KCNN2: variants seen among roughly 807,000 people sequenced by gnomAD.
KCNN2 encodes potassium calcium-activated channel subfamily N member 2.
A neutral mutation model predicts 55.5 loss-of-function variants in KCNN2; 24 were observed. The ratio of observed to expected loss-of-function variants is 0.43; its 90% CI spans 0.31 to 0.61. The LOEUF (loss-of-function observed/expected upper bound fraction) is 0.61. Ranked by LOEUF, KCNN2 falls within the 20% of genes least tolerant of loss-of-function variation. KCNN2 has a pLI of 0.08. For synonymous variants in KCNN2, 431 were observed against 336.1 expected (o/e 1.28, Z -3.09); for missense variants, 754 against 853.6 (o/e 0.88, Z 1.45).
rs540644079 is a variant in KCNN2 at position 114,072,576 on chromosome 5, G to A, written c.-271+16076G>A. The stretch of plus-strand genomic sequence containing the variant: ...AACTTCCCAGCTTCCAGAACTGTGA[G>A]CCAAATAAATTTCTGTCCATTATAA... On this transcript the variant is annotated intron_variant, in intron 1 of 10. Transcript: ENST00000512097. 2.0e-5 allele frequency among the ~76,000 whole-genome samples: 3 copies of A among 152,258 alleles called. No homozygotes were observed. In the East Asian group the frequency reaches 5.8e-4, roughly 29 times the overall value.
intron 1 of KCNN2, among the ~76,000 whole-genome samples, chr5:114,189,450 A>C (rs1474898191): frequency 1.3e-5 from 2 of 152,178 alleles, no homozygotes; most frequent in African/African-American, 2.4e-5. Flanking sequence ...TAGGGAGGAC[A>C]ATCTGCTTAC....
intron 3 of KCNN2, among the ~76,000 whole-genome samples, chr5:114,457,046 T>C (rs1304615085): frequency 1.3e-5 from 2 of 152,188 alleles, no homozygotes; most frequent in Admixed American, 6.6e-5. Flanking sequence ...TTGGGAGGAT[T>C]GATTCCAATT....
In KCNN2 at chr5:114,440,609, A is replaced by G. The variant is rs1450038960; in HGVS notation, c.1638-22440A>G. Among the ~76,000 whole-genome samples the G allele has an allele frequency of 2.7e-5, 4 of 145,944 alleles. No individual in the cohort carries two copies. In the Admixed American group the frequency reaches 2.8e-4, roughly 10 times the overall value. On this transcript the variant is annotated intron_variant, in intron 3 of 7. Transcript: ENST00000673685. Reference sequence around the variant, plus strand: ...GAAGGTTGAACTGAGGAGTTGGGTGACATGGTACAGGTGTGATTAGATTTA... The same window carrying G: ...GAAGGTTGAACTGAGGAGTTGGGTGGCATGGTACAGGTGTGATTAGATTTA...
intron 3 of KCNN2, among the ~76,000 whole-genome samples, chr5:114,462,377 G>A (rs1370694589): frequency 6.6e-6 from 1 of 152,162 alleles, no homozygotes; most frequent in Non-Finnish European, 1.5e-5. Flanking sequence ...TAACTGGTAA[G>A]ACAACTTCTA....
chr5:114,370,524 G>C (rs1456442300), intron 2 of KCNN2, among the ~76,000 whole-genome samples: 1 of 152,074 alleles, frequency 6.6e-6, no homozygotes, highest in Admixed American at 6.6e-5. Flanking sequence ...GAGATAGAAA[G>C]TTGGGAGGCA....
At chr5:114,382,528 G>T (rs1758155629) in intron 2 of KCNN2, among the ~76,000 whole-genome samples, 1 of 152,168 alleles carries the variant, frequency 6.6e-6, no homozygotes, top group Non-Finnish European at 1.5e-5. Context: ...TGTGCCATGT[G>T]ATTACATTAG....
At chr5:114,283,189 A>G (rs1204454192) in intron 2 of KCNN2, among the ~76,000 whole-genome samples, 2 of 151,728 alleles carry the variant, frequency 1.3e-5, no homozygotes, top group Non-Finnish European at 2.9e-5. Context: ...TTTAATGTAC[A>G]TTGGGCTGTG....
At chr5:114,434,613 C>G (rs1759937519) in intron 3 of KCNN2, among the ~76,000 whole-genome samples, 2 of 152,118 alleles carry the variant, frequency 1.3e-5, no homozygotes, top group Non-Finnish European at 1.5e-5. Flanking sequence ...TATACAAGAG[C>G]CCTATTGATA....
At chr5:114,441,021 C>G (rs866654506) in intron 3 of KCNN2, among the ~76,000 whole-genome samples, 1 of 151,788 alleles carries the variant, frequency 6.6e-6, no homozygotes, top group Non-Finnish European at 1.5e-5. Context: ...AACTACTTAC[C>G]AAAATGAGTT....
chr5:114,472,730 T>C (rs1761808010), intron 4 of KCNN2, among the ~76,000 whole-genome samples: 1 of 152,212 alleles, frequency 6.6e-6, no homozygotes, highest in South Asian at 2.1e-4. Context: ...GTTCCTATTA[T>C]AATTATAGGT....
At chr5:114,289,102 TC>T (rs947834621) in intron 2 of KCNN2, among the ~76,000 whole-genome samples, 13 of 152,182 alleles carry the variant, frequency 8.5e-5, no homozygotes, top group Admixed American at 7.9e-4. Context: ...GGAAGATTAA[TC>T]TTTTCCCCCA....
At chr5:114,286,416 T>C (rs1039229635) in intron 2 of KCNN2, among the ~76,000 whole-genome samples, 2 of 151,874 alleles carry the variant, frequency 1.3e-5, no homozygotes, top group African/African-American at 4.8e-5. Flanking sequence ...TTACGAGTCA[T>C]CAAAGAAAAA....
Position 114,496,274 on chromosome 5 carries a change from C to T in KCNN2, c.*92C>T, listed in dbSNP as rs185535155. The stretch of plus-strand genomic sequence containing the variant: ...GTAAAGCCCCTATGGTTCTAATCAG[C>T]GTTATCCGGGTTCTGATGTCAGAAT... On this transcript the variant is annotated 3_prime_UTR_variant, in exon 8 of 8. Coordinates refer to ENST00000673685, the MANE Select transcript of KCNN2 (RefSeq NM_021614.4). 1,024 of 1,347,606 alleles carry T rather than the reference C, an allele frequency of 7.6e-4. 1 individual carries two copies. The highest frequency in any genetic ancestry group is 2.6e-3 in the East Asian group (110 of 41,928). The allele number at this position is 1,347,606 out of a possible 1,614,324, so 83.5% of individuals were successfully genotyped here. A position where few individuals can be genotyped will look rare whatever the true frequency, so the allele number is the denominator to read the frequency against.
At chr5:114,312,519 G>A (rs1580714376) in intron 2 of KCNN2, among the ~76,000 whole-genome samples, 1 of 136,654 alleles carries the variant, frequency 7.3e-6, no homozygotes, top group South Asian at 2.6e-4. Context: ...ACCCCCATAT[G>A]GTCAAGAACC....
At chr5:114,149,034 C>T (rs1752462205) in intron 1 of KCNN2, among the ~76,000 whole-genome samples, 2 of 152,132 alleles carry the variant, frequency 1.3e-5, no homozygotes, top group African/African-American at 4.8e-5. Context: ...CCCAGTCTAA[C>T]AGGTCCATAG....
At chr5:114,096,694 T>C (rs1336260457) in intron 1 of KCNN2, among the ~76,000 whole-genome samples, 1 of 152,164 alleles carries the variant, frequency 6.6e-6, no homozygotes, top group African/African-American at 2.4e-5. Flanking sequence ...GACTTTCTCT[T>C]CCCTGCATAA....
chr5:114,118,151 C>T (rs1297383149), intron 1 of KCNN2, among the ~76,000 whole-genome samples: 2 of 152,188 alleles, frequency 1.3e-5, no homozygotes, highest in Non-Finnish European at 2.9e-5. Context: ...CAGCATTTCC[C>T]TAGCTTAGTG....
chr5:114,102,328 G>A (rs1751390011), intron 1 of KCNN2, among the ~76,000 whole-genome samples: 1 of 151,018 alleles, frequency 6.6e-6, no homozygotes, highest in Admixed American at 6.6e-5. Context: ...TGTAGATTCT[G>A]GATATTAGCC....
At chr5:114,093,791 C>G (rs1453108942) in intron 1 of KCNN2, among the ~76,000 whole-genome samples, 1 of 152,152 alleles carries the variant, frequency 6.6e-6, no homozygotes, top group Non-Finnish European at 1.5e-5. Flanking sequence ...CCCCATGATC[C>G]AATTACCTCC....
Sources: gnomAD v4.1 joint callset for allele counts (sites outside exome capture counted in the v4.1 genomes callset) on GRCh38, gnomAD v4.1.1 for gene constraint, MANE v1.5 for transcripts, NCBI Gene and HGNC (gene_info 2026-07-23, HGNC 2026-07-21) for gene names.